Variants in NGEF observed in about 807,000 individuals in gnomAD.
NGEF encodes ephexin-1.
NGEF carries 31 observed loss-of-function variants against 80.9 expected under a neutral mutation model. That is an observed-to-expected ratio of 0.38 (90% CI 0.29 to 0.52). The LOEUF is 0.52. NGEF is among the 20% of genes least tolerant of loss of function. The pLI, the probability that NGEF is intolerant of heterozygous loss-of-function variation, is 0.84. For missense variants in NGEF, 709 were observed against 926.2 expected (o/e 0.77, Z 3.04); for synonymous variants, 371 against 370.2 (o/e 1.00, Z -0.03).
chr2:232,897,577 C>A (rs1330921140), intron 5 of NGEF, among the ~76,000 whole-genome samples: 1 of 152,162 alleles, frequency 6.6e-6, no homozygotes. Context: ...TGGCAGAGCA[C>A]TCTAAAATAA....
chr2:232,902,851 A>G (rs768071894), intron 5 of NGEF, among the ~76,000 whole-genome samples: 4 of 152,174 alleles, frequency 2.6e-5, no homozygotes, highest in Non-Finnish European at 5.9e-5. Flanking sequence ...AAGATTAGCC[A>G]GGCATGGTGG....
At chr2:232,930,707 C>A (rs1037715003) in intron 3 of NGEF, among the ~76,000 whole-genome samples, 1 of 152,138 alleles carries the variant, frequency 6.6e-6, no homozygotes. Flanking sequence ...GGCCTTGCCA[C>A]CTCTCAAAGG....
chr2:233,001,184 G>C (rs184743749), intron 1 of NGEF, among the ~76,000 whole-genome samples: 1 of 152,174 alleles, frequency 6.6e-6, no homozygotes, highest in Non-Finnish European at 1.5e-5. Context: ...TCCCCCTTCC[G>C]GAGATGAGGA....
chr2:233,010,107 G>C (rs1252170086), intron 1 of NGEF, among the ~76,000 whole-genome samples: 1 of 151,966 alleles, frequency 6.6e-6, no homozygotes, highest in African/African-American at 2.4e-5. Context: ...TGACCAGACT[G>C]GTCTTGAACT....
intron 1 of NGEF, among the ~76,000 whole-genome samples, chr2:232,990,524 T>G (rs947661894): frequency 5.9e-5 from 9 of 152,058 alleles, no homozygotes; most frequent in Admixed American, 2.6e-4. Context: ...ATTATGAAAT[T>G]CATCTGCAGG....
chr2:232,955,821 T>G (rs940916119), intron 3 of NGEF, among the ~76,000 whole-genome samples: 18 of 152,198 alleles, frequency 1.2e-4, no homozygotes, highest in African/African-American at 4.3e-4. Context: ...GCAGGACCTT[T>G]GCTTGGTTTT....
chr2:232,927,047 T>G lies in NGEF; in HGVS notation c.523A>C (p.Ile175Leu). ...ADSWRNLIEQ[I>L]GLLYQEYRDK... Reference sequence around the variant, plus strand: ...CGGTTACTGCGGAGACACCCACCTATTTGTTCAATGAGGTTTCTCCAGGAG... The same window carrying G: ...CGGTTACTGCGGAGACACCCACCTAGTTGTTCAATGAGGTTTCTCCAGGAG... The change falls in exon 4 of 15, where the codon ATA (isoleucine) becomes CTA (leucine). Residue 175 changes from isoleucine to leucine, a missense_variant. Physicochemically the swap from Ile to Leu is conservative, Grantham distance 5. Coordinates refer to ENST00000264051, the MANE Select transcript of NGEF (RefSeq NM_019850.3). 1 of 1,613,948 alleles carries G rather than the reference T, an allele frequency of 6.2e-7. No individual in the cohort carries two copies. Among genetic ancestry groups the G allele is most frequent in the South Asian group, 1.1e-5 (1 of 91,074 alleles).
intron 10 of NGEF, among the ~76,000 whole-genome samples, chr2:232,884,695 G>A (rs1406177380): frequency 6.6e-6 from 1 of 152,208 alleles, no homozygotes; most frequent in Non-Finnish European, 1.5e-5. Context: ...CAGGCGCCTG[G>A]CAGCCATCGG....
intron 5 of NGEF, among the ~76,000 whole-genome samples, chr2:232,899,211 CTGTG>C (rs151240038): frequency 6.6e-6 from 1 of 151,698 alleles, no homozygotes; most frequent in Non-Finnish European, 1.5e-5. Context: ...GAGTATGTGA[CTGTG>C]TGTGTGAATG....
In NGEF at chr2:232,879,199, G is replaced by A; in HGVS notation, c.*290C>T. ...AGGGGCATGGGGGGCCCTGGAGTGT[G>A]CCCACCCCCTTCCACCCCCTCGGAG... On this transcript the variant is annotated 3_prime_UTR_variant, in exon 15 of 15. Coordinates refer to ENST00000264051, the MANE Select transcript of NGEF (RefSeq NM_019850.3). The A allele has an allele frequency of 3.1e-6, 1 of 327,452 alleles. No individual in the cohort carries two copies. Among genetic ancestry groups the A allele is most frequent in the Non-Finnish European group, 5.7e-6 (1 of 176,234 alleles). 20.3% of individuals were successfully genotyped at this position (327,452 alleles called of 1,614,324 possible).
At chr2:232,990,607 C>T (rs1694631861) in intron 1 of NGEF, among the ~76,000 whole-genome samples, 1 of 151,992 alleles carries the variant, frequency 6.6e-6, no homozygotes, top group African/African-American at 2.4e-5. Flanking sequence ...TCCCAAATAT[C>T]ATTAAATGTT....
intron 10 of NGEF, 72 bp from the exon 11 acceptor site, chr2:232,884,216 C>A (rs533501134): frequency 2.1e-6 from 3 of 1,430,604 alleles, no homozygotes; most frequent in Non-Finnish European, 2.8e-6. Context: ...CCCAGGGCTG[C>A]GTCTGTCACA....
chr2:232,944,167 G>T (rs1693502075), intron 3 of NGEF, among the ~76,000 whole-genome samples: 1 of 152,076 alleles, frequency 6.6e-6, no homozygotes, highest in Non-Finnish European at 1.5e-5. Context: ...CCAGGAGGCA[G>T]AGGTTGCAGT....
chr2:232,891,792 C>T (rs370896637), intron 7 of NGEF, among the ~76,000 whole-genome samples: 1 of 152,264 alleles, frequency 6.6e-6, no homozygotes, highest in East Asian at 1.9e-4. Flanking sequence ...TTTCACCCAG[C>T]GGGAAACTGT....
chr2:233,006,471 G>A (rs1695085687), intron 1 of NGEF, among the ~76,000 whole-genome samples: 1 of 152,188 alleles, frequency 6.6e-6, no homozygotes, highest in Non-Finnish European at 1.5e-5. Flanking sequence ...ACTTAGCCAA[G>A]CACAGAGTAT....
chr2:232,990,770 AG>A (rs1185656804), intron 1 of NGEF, among the ~76,000 whole-genome samples: 3 of 152,118 alleles, frequency 2.0e-5, no homozygotes, highest in Admixed American at 2.0e-4. Flanking sequence ...ACCAGATAAA[AG>A]TCACAAGAAA....
At position 232,931,972 on chromosome 2, in the gene NGEF, G is replaced by A. The variant is rs1038290157; in HGVS notation, c.384-4786C>T. Among the ~76,000 whole-genome samples, 19 of 152,080 alleles carry A rather than the reference G, an allele frequency of 1.2e-4. 1 individual carries two copies. The highest frequency in any genetic ancestry group is 8.5e-4 in the Admixed American group (13 of 15,268). ...TTATTTGCCACTTTATGACAAGGAC[G>A]GCCCTTTCTCCAGTGTCCAGTGACA... On this transcript the variant is annotated intron_variant, in intron 3 of 14. Transcript: ENST00000264051.
intron 1 of NGEF, among the ~76,000 whole-genome samples, chr2:232,985,943 A>G (rs1457656092): frequency 1.3e-5 from 2 of 152,054 alleles, no homozygotes; most frequent in African/African-American, 4.8e-5. Flanking sequence ...CCGTCCAAAA[A>G]AAAAAAAGAA....
In NGEF at chr2:232,881,258, A is replaced by T. The variant is rs746454109; in HGVS notation, c.1838-8T>A. On this transcript the variant is annotated splice_region_variant and splice_polypyrimidine_tract_variant and intron_variant, in intron 13 of 14. Transcript: ENST00000264051. ...ACTGGACCTGGGGGCAGTCTGAGGG[A>T]CAAGAGGCACGGGCACATCCCCACC... 1 of 1,603,146 alleles carries T rather than the reference A, an allele frequency of 6.2e-7. No individual in the cohort carries two copies. The highest frequency in any genetic ancestry group is 8.5e-7 in the Non-Finnish European group (1 of 1,178,594).
Sources: gnomAD v4.1 joint callset for allele counts (sites outside exome capture counted in the v4.1 genomes callset) on GRCh38, gnomAD v4.1.1 for gene constraint, MANE v1.5 for transcripts, NCBI Gene and HGNC (gene_info 2026-07-23, HGNC 2026-07-21) for gene names.